CATIP: variants seen among roughly 807,000 people sequenced by gnomAD.
The protein encoded by CATIP is ciliogenesis-associated TTC17-interacting protein.
CATIP carries 40 observed loss-of-function variants against 42.5 expected under a neutral mutation model. That is an observed-to-expected ratio of 0.94 (90% CI 0.73 to 1.22). CATIP has a LOEUF of 1.22. Among genes scored for constraint, CATIP ranks in the 50% most tolerant of loss-of-function variants. The probability of loss-of-function intolerance (pLI) is 0.00; values close to 1 mark genes in which losing one functional copy is unlikely to be tolerated. For missense variants in CATIP, 489 were observed against 496.0 expected (o/e 0.99, Z 0.13); for synonymous variants, 222 against 200.2 (o/e 1.11, Z -0.92).
chr2:218,357,980 C>T (rs556872954), intron 3 of CATIP, 57 bp from the exon 4 acceptor site: 440 of 1,540,004 alleles, frequency 2.9e-4, no homozygotes, highest in Non-Finnish European at 3.8e-4. Context: ...CCTTCCCTTC[C>T]TTCAGCCTCT....
At chr2:218,367,212 C>A in intron 8 of CATIP, 112 bp downstream of exon 8, 1 of 859,714 alleles carries the variant, frequency 1.2e-6, no homozygotes, top group Non-Finnish European at 1.8e-6. Flanking sequence ...GGGACAGGAG[C>A]CTGGAATCAG....
At position 218,368,020 on chromosome 2, in the gene CATIP, G is replaced by A. The variant is rs542400384; in HGVS notation, c.*56G>A. The A allele has an allele frequency of 4.1e-4, 594 of 1,449,402 alleles. 9 individuals carry two copies. In the East Asian group the frequency reaches 0.013, roughly 31 times the overall value. 89.8% of individuals were successfully genotyped at this position (1,449,402 alleles called of 1,614,324 possible). On this transcript the variant is annotated 3_prime_UTR_variant, in exon 10 of 10. Transcript: ENST00000289388. ...CCAGGGGTCGGGCTGGGACGCGGGC[G>A]GGACGCGCCGGGGCGGGTGCGCTTT...
At chr2:218,361,595 C>A (rs1695236380) in intron 5 of CATIP, among the ~76,000 whole-genome samples, 1 of 152,186 alleles carries the variant, frequency 6.6e-6, no homozygotes, top group Non-Finnish European at 1.5e-5. Context: ...ATCAGATATG[C>A]ATTTATCTCA....
chr2:218,358,037 G>C lies in CATIP; in HGVS notation c.320G>C (p.Gly107Ala). The C allele has an allele frequency of 6.2e-7, 1 of 1,613,888 alleles. No individual in the cohort carries two copies. The highest frequency in any genetic ancestry group is 8.5e-7 in the Non-Finnish European group (1 of 1,179,874). Reference protein sequence around the residue: ...DKMLCGNSLLGYLSEKLELME... With the variant: ...DKMLCGNSLLAYLSEKLELME... ...CAATGCCTGTGTCCCTGCACCCCAG[G>C]CTATCTCTCAGAGAAGCTGGAGCTC... The change falls in exon 4 of 10, where the codon GGC (glycine) becomes GCC (alanine). Residue 107 changes from glycine to alanine, a missense_variant and splice_region_variant. Physicochemically the swap from Gly to Ala is moderately conservative, Grantham distance 60. Transcript: ENST00000289388.
rs1274318211 is a variant in CATIP at position 218,367,662 on chromosome 2, G to A, written c.922-60G>A. 7.6e-6 allele frequency: 12 copies of A among 1,575,278 alleles called. No homozygotes were observed. In the African/African-American group the frequency reaches 1.1e-4, roughly 14 times the overall value. On this transcript the variant is annotated intron_variant, in intron 9 of 9. Coordinates refer to ENST00000289388, the MANE Select transcript of CATIP (RefSeq NM_198559.2). ...TTAGCTCTCCTTGGAGCGAGCGGCT[G>A]GGGGCTCCTGGGGCGCGGGGGTCCC...
intron 4 of CATIP, among the ~76,000 whole-genome samples, chr2:218,359,234 CG>C (rs1283700073): frequency 2.0e-5 from 3 of 149,886 alleles, no homozygotes; most frequent in African/African-American, 7.4e-5. Context: ...CCCAGCTACA[CG>C]GGAGGCTGAG....
chr2:218,357,289 C>CTCTCTT, intron 2 of CATIP, 102 bp downstream of exon 2: 1 of 864,278 alleles, frequency 1.2e-6, no homozygotes, highest in East Asian at 2.6e-5. Context: ...CTCTCTCTCT[C>CTCTCTT]TTCCTTGATT....
In CATIP at chr2:218,367,913, C is replaced by G; in HGVS notation, c.1113C>G (p.Asn371Lys). Residue 371 changes from asparagine to lysine, a missense_variant, in exon 10 of 10, where the codon AAC becomes AAG. Transcript: ENST00000289388. ...CCTTGGGCTCCTCCCACCGGCCCAACCCTTTCCGCTCCCTGGAGCCGGAGG... is the reference window on the plus strand; with the variant it reads ...CCTTGGGCTCCTCCCACCGGCCCAAGCCTTTCCGCTCCCTGGAGCCGGAGG... ...SPALGSSHRPNPFRSLEPEGD... is the reference protein window; with the variant it reads ...SPALGSSHRPKPFRSLEPEGD... The G allele has an allele frequency of 6.2e-7, 1 of 1,611,272 alleles. No individual in the cohort carries two copies. Among genetic ancestry groups the G allele is most frequent in the Non-Finnish European group, 8.5e-7 (1 of 1,179,612 alleles).
At position 218,362,761 on chromosome 2, in the gene CATIP, C is replaced by T; in HGVS notation, c.489C>T (p.Phe163=). 1 of 1,614,112 alleles carries T rather than the reference C, an allele frequency of 6.2e-7. No homozygotes were observed. The highest frequency in any genetic ancestry group is 8.5e-7 in the Non-Finnish European group (1 of 1,179,996). The change falls in exon 6 of 10, where the codon TTC becomes TTT. Residue 163 remains phenylalanine (F), a synonymous_variant. Transcript: ENST00000289388. ...GEEVKTGVTS[F]PWSSIKGFIS... ...AAGTGAAGACTGGAGTGACTTCTTT[C>T]CCCTGGAGCTCAATCAAGGGCTTCA... is the stretch of plus-strand genomic sequence containing the variant.
intron 5 of CATIP, among the ~76,000 whole-genome samples, chr2:218,362,402 G>A (rs1381946312): frequency 1.3e-5 from 2 of 151,078 alleles, no homozygotes; most frequent in African/African-American, 2.4e-5. Context: ...CACTTTGGGA[G>A]GCAGAGGGGG....
chr2:218,366,978 G>A lies in CATIP; in HGVS notation c.756-46G>A, dbSNP rs200070961. On this transcript the variant is annotated intron_variant, in intron 7 of 9. Transcript: ENST00000289388. ...AGAGAGACAATTCAGTCCATAGCAG[G>A]CGGTCTGGGAAGATTCTCACTCTCA... The A allele has an allele frequency of 4.9e-6, 7 of 1,416,076 alleles. No homozygotes were observed. The African/African-American group carries it at 9.9e-5, about 20-fold the overall frequency. 87.7% of individuals were successfully genotyped at this position (1,416,076 alleles called of 1,614,324 possible).
Position 218,362,855 on chromosome 2 carries a change from C to T in CATIP, c.583C>T (p.Arg195Cys), listed in dbSNP as rs746655964. 1.9e-5 allele frequency: 31 copies of T among 1,613,866 alleles called. No individual in the cohort carries two copies. Among genetic ancestry groups the T allele is most frequent in the South Asian group, 5.5e-5 (5 of 91,086 alleles). Residue 195 changes from arginine (R) to cysteine (C), a missense_variant, in exon 6 of 10, where the codon CGC becomes TGC. Coordinates refer to ENST00000289388, the MANE Select transcript of CATIP (RefSeq NM_198559.2). ...GCGGCGGATGGTGCCCAGCAATGCC[C>T]GCTTCCTGACCTTGGACACCGAGGG... ...AWRRMVPSNARFLTLDTEGKL... is the reference protein window; with the variant it reads ...AWRRMVPSNACFLTLDTEGKL...
chr2:218,360,126 C>T (rs1363032401), intron 4 of CATIP, among the ~76,000 whole-genome samples: 1 of 148,978 alleles, frequency 6.7e-6, no homozygotes, highest in Non-Finnish European at 1.5e-5. Flanking sequence ...ACACCTGGCC[C>T]TGCTGCTTGG....
chr2:218,366,872 C>A (rs1181087144), intron 7 of CATIP, 152 bp from the exon 8 acceptor site: 2 of 679,644 alleles, frequency 2.9e-6, no homozygotes, highest in Non-Finnish European at 5.4e-6. Context: ...CTATCTGATT[C>A]GGGCCCCACC....
chr2:218,357,567 A>T lies in CATIP; in HGVS notation c.152A>T (p.Glu51Val). The part of the protein sequence containing the change: ...KEELQMLFFS[E>V]TLAMVSDTGE... ...GAGCTACAGATGCTGTTCTTCTCTG[A>T]GACGCTGGCCATGGTCTCAGACACC... Residue 51 changes from glutamate to valine, a missense_variant, in exon 3 of 10, where the codon GAG becomes GTG. Transcript: ENST00000289388. 1 of 1,614,048 alleles carries T rather than the reference A, an allele frequency of 6.2e-7. No individual in the cohort carries two copies. Among genetic ancestry groups the T allele is most frequent in the Non-Finnish European group, 8.5e-7 (1 of 1,179,982 alleles).
rs145895885 is a variant in CATIP at position 218,363,965 on chromosome 2, C to A, written c.631-663C>A. ...TAACTAAAATTTCATAATCAGCATG[C>A]CTAGGACTTCCTGCAATCAGTGATT... On this transcript the variant is annotated intron_variant, in intron 6 of 9. Coordinates refer to ENST00000289388, the MANE Select transcript of CATIP (RefSeq NM_198559.2). Among the ~76,000 whole-genome samples the A allele has an allele frequency of 2.8e-3, 433 of 152,194 alleles. 2 individuals are homozygous for A. The highest frequency in any genetic ancestry group is 0.01 in the African/African-American group (416 of 41,528).
chr2:218,361,003 T>C (rs2106312241), intron 5 of CATIP, among the ~76,000 whole-genome samples: 1 of 152,032 alleles, frequency 6.6e-6, no homozygotes, highest in South Asian at 2.1e-4. Context: ...GCTAATTCTG[T>C]ATTTTTAGTA....
chr2:218,359,532 A>C (rs1231710948), intron 4 of CATIP, among the ~76,000 whole-genome samples: 1 of 151,948 alleles, frequency 6.6e-6, no homozygotes, highest in Admixed American at 6.6e-5. Flanking sequence ...GCCCCCAGGG[A>C]AGGCTAGGCT....
chr2:218,362,352 CA>C (rs57836370), intron 5 of CATIP, among the ~76,000 whole-genome samples: 3,004 of 78,494 alleles, frequency 0.038, 79 homozygotes, highest in African/African-American at 0.11. Flanking sequence ...GACCCTGTCT[CA>C]AAAAAAAAAA....
Sources: gnomAD v4.1 joint callset for allele counts (sites outside exome capture counted in the v4.1 genomes callset) on GRCh38, gnomAD v4.1.1 for gene constraint, MANE v1.5 for transcripts, NCBI Gene and HGNC (gene_info 2026-07-23, HGNC 2026-07-21) for gene names.